Variants in CSMD1 observed in about 807,000 individuals in gnomAD.
CSMD1 encodes CUB and Sushi multiple domains 1.
In CSMD1, 213 loss-of-function variants were observed where a neutral mutation model predicts 417.5. The ratio of observed to expected loss-of-function variants is 0.51; its 90% CI spans 0.46 to 0.57. The LOEUF is 0.57. Ranked by LOEUF, CSMD1 falls within the 20% of genes least tolerant of loss-of-function variation. The probability of loss-of-function intolerance (pLI) is 0.00; values close to 1 mark genes in which losing one functional copy is unlikely to be tolerated. For missense variants in CSMD1, 6,923 were observed against 4,529.7 expected, an observed-to-expected ratio of 1.53 and a Z score of -15.17; for synonymous variants, 2,862 against 1,736.8, an observed-to-expected ratio of 1.65 and a Z score of -16.11.
chr8:3,400,417 A>C (rs1811966889), intron 15 of CSMD1, among the ~76,000 whole-genome samples: 1 of 152,142 alleles, frequency 6.6e-6, no homozygotes, highest in Non-Finnish European at 1.5e-5. Flanking sequence ...GGCCATATGT[A>C]TAATGTAAAA....
At chr8:4,249,708 G>A (rs887900779) in intron 3 of CSMD1, among the ~76,000 whole-genome samples, 1 of 152,186 alleles carries the variant, frequency 6.6e-6, no homozygotes, top group African/African-American at 2.4e-5. Flanking sequence ...AAAGCTGGAA[G>A]ACTTGGCCTC....
chr8:4,152,893 G>A (rs992660516), intron 3 of CSMD1, among the ~76,000 whole-genome samples: 1 of 152,040 alleles, frequency 6.6e-6, no homozygotes, highest in Admixed American at 6.6e-5. Context: ...TTAGACTTAA[G>A]ATTTTTCTCA....
Position 4,265,907 on chromosome 8 carries a change from A to C in CSMD1, c.415+154046T>G, listed in dbSNP as rs1220702693. 6.7e-5 allele frequency among the ~76,000 whole-genome samples: 7 copies of C among 104,198 alleles called. 3 individuals are homozygous for C. The highest frequency in any genetic ancestry group is 1.8e-4 in the Non-Finnish European group (7 of 38,862). 68.4% of individuals were successfully genotyped at this position (104,198 alleles called of 152,430 possible). ...GATTCCCACACAAATCCAAAATAAA[A>C]TGTGAAGAAATAGATTTCCCCCCAT... On this transcript the variant is annotated intron_variant, in intron 3 of 69. Transcript: ENST00000635120.
In CSMD1 at chr8:4,083,022, C is replaced by G. The variant is rs965417658; in HGVS notation, c.416-50923G>C. On this transcript the variant is annotated intron_variant, in intron 3 of 69. Transcript: ENST00000635120. The stretch of plus-strand genomic sequence containing the variant: ...CTTAATCCAGTCTATCATTGTTGGA[C>G]ATTTGGGTTTGTTCCAAGTCTTTGC... Among the ~76,000 whole-genome samples, 4 of 151,976 alleles carry G rather than the reference C, an allele frequency of 2.6e-5. No homozygotes were observed. In the South Asian group the frequency reaches 8.3e-4, roughly 32 times the overall value.
chr8:4,114,120 T>A (rs1322140157), intron 3 of CSMD1, among the ~76,000 whole-genome samples: 1 of 152,166 alleles, frequency 6.6e-6, no homozygotes, highest in African/African-American at 2.4e-5. Flanking sequence ...AGGACTTTCA[T>A]AGGAGGAAAG....
At chr8:3,196,580 T>G (rs951785425) in intron 33 of CSMD1, among the ~76,000 whole-genome samples, 1 of 152,196 alleles carries the variant, frequency 6.6e-6, no homozygotes, top group Non-Finnish European at 1.5e-5. Flanking sequence ...TTTCTTTTCA[T>G]GCCAGCTTCT....
intron 12 of CSMD1, among the ~76,000 whole-genome samples, chr8:3,447,427 G>C (rs1815371773): frequency 2.0e-5 from 3 of 152,166 alleles, no homozygotes; most frequent in African/African-American, 7.2e-5. Flanking sequence ...CACTTTAGGA[G>C]GTATTTTTAG....
intron 1 of CSMD1, among the ~76,000 whole-genome samples, chr8:4,858,040 G>A (rs964270144): frequency 2.0e-5 from 3 of 152,114 alleles, no homozygotes; most frequent in East Asian, 1.9e-4. Flanking sequence ...AACGAATGCA[G>A]CAGCACATCA....
chr8:3,781,652 T>C (rs1799190189), intron 5 of CSMD1, among the ~76,000 whole-genome samples: 1 of 152,316 alleles, frequency 6.6e-6, no homozygotes, highest in African/African-American at 2.4e-5. Flanking sequence ...GTCCCTGTGA[T>C]GTGAATGGCA....
chr8:3,314,326 T>C (rs913192069), intron 23 of CSMD1, among the ~76,000 whole-genome samples: 4 of 152,190 alleles, frequency 2.6e-5, no homozygotes, highest in Admixed American at 6.5e-5. Flanking sequence ...AATAGAGATA[T>C]TTCCATTTTA....
intron 26 of CSMD1, among the ~76,000 whole-genome samples, chr8:3,241,137 T>C (rs1017380184): frequency 2.0e-5 from 3 of 151,624 alleles, no homozygotes; most frequent in African/African-American, 7.3e-5. Context: ...GATGTAGCTG[T>C]AGTCCAGGAA....
intron 1 of CSMD1, among the ~76,000 whole-genome samples, chr8:4,970,137 GA>G (rs111814762): frequency 0.1 from 15,755 of 152,032 alleles, 1,077 homozygotes; most frequent in African/African-American, 0.19. Flanking sequence ...TACACATTTA[GA>G]AGGCATATCC....
intron 3 of CSMD1, among the ~76,000 whole-genome samples, chr8:4,279,473 G>GT (rs1563379726): frequency 6.6e-6 from 1 of 152,074 alleles, no homozygotes; most frequent in Non-Finnish European, 1.5e-5. Flanking sequence ...ATTTAATAGC[G>GT]TTTTTTCATG....
At chr8:4,328,529 C>G (rs1429599277) in intron 3 of CSMD1, among the ~76,000 whole-genome samples, 1 of 151,818 alleles carries the variant, frequency 6.6e-6, no homozygotes, top group Non-Finnish European at 1.5e-5. Flanking sequence ...AAAGCATCTC[C>G]TGTACTCTAT....
chr8:3,722,273 A>G (rs1370839589), intron 6 of CSMD1, among the ~76,000 whole-genome samples: 1 of 152,222 alleles, frequency 6.6e-6, no homozygotes, highest in Non-Finnish European at 1.5e-5. Flanking sequence ...ACACCACTGC[A>G]CTCCAGCCTG....
At chr8:3,080,192 A>C (rs1813984721) in intron 49 of CSMD1, among the ~76,000 whole-genome samples, 1 of 152,180 alleles carries the variant, frequency 6.6e-6, no homozygotes, top group Admixed American at 6.5e-5. Context: ...TGACCAGGGA[A>C]CTTGAAAGCA....
At chr8:3,179,911 T>C (rs1449710541) in intron 37 of CSMD1, among the ~76,000 whole-genome samples, 2 of 152,222 alleles carry the variant, frequency 1.3e-5, no homozygotes, top group Non-Finnish European at 2.9e-5. Context: ...CAGGAAAATT[T>C]AACCAGAATG....
intron 37 of CSMD1, among the ~76,000 whole-genome samples, chr8:3,176,294 G>A (rs1820932024): frequency 6.6e-6 from 1 of 152,074 alleles, no homozygotes; most frequent in African/African-American, 2.4e-5. Flanking sequence ...AATCTTTAAT[G>A]AGAATATACA....
intron 5 of CSMD1, among the ~76,000 whole-genome samples, chr8:3,866,626 G>C (rs547492024): frequency 6.6e-6 from 1 of 151,886 alleles, no homozygotes; most frequent in African/African-American, 2.4e-5. Flanking sequence ...CAAACCCAAA[G>C]TCACTATTTG....
Sources: allele counts gnomAD v4.1 joint callset (sites outside exome capture counted in the v4.1 genomes callset), GRCh38; gene constraint gnomAD v4.1.1; transcripts MANE v1.5; gene names NCBI Gene and HGNC (gene_info 2026-07-23, HGNC 2026-07-21).